Variants in PLAAT4 observed in about 807,000 individuals in gnomAD.
PLAAT4 encodes the protein phospholipase A and acyltransferase 4.
Under a neutral mutation model 14.1 loss-of-function variants are expected in PLAAT4, and 12 were observed. The ratio of observed to expected loss-of-function variants is 0.85; its 90% CI spans 0.54 to 1.37. The LOEUF (loss-of-function observed/expected upper bound fraction) is 1.37. Among genes scored for constraint, PLAAT4 ranks in the 40% most tolerant of loss-of-function variants. The pLI is 0.00. For synonymous variants in PLAAT4, 77 were observed against 79.8 expected, an observed-to-expected ratio of 0.96 and a Z score of 0.19; for missense variants, 163 against 211.7, an observed-to-expected ratio of 0.77 and a Z score of 1.43.
intron 1 of PLAAT4, chr11:63,538,395 C>A: frequency 2.6e-6 from 1 of 379,918 alleles, no homozygotes; most frequent in Non-Finnish European, 5.2e-6. Flanking sequence ...CAGAGGCAGG[C>A]ATGGGGCTGC....
rs2017365278 is a variant in PLAAT4 at position 63,546,226 on chromosome 11, T to A, written c.465T>A (p.Ile155=). ...ILVVAGCSFA[I]RRYQKKATA is the part of the protein sequence containing the mutation. The stretch of plus-strand genomic sequence containing the variant: ...TTGTTGCTGGATGCTCTTTTGCGAT[T>A]AGGAGATACCAAAAAAAAGCGACAG... Residue 155 remains isoleucine (I), a synonymous_variant, in exon 4 of 4, where the codon ATT becomes ATA. Transcript: ENST00000255688. 5 of 1,614,060 alleles carry A rather than the reference T, an allele frequency of 3.1e-6. No homozygotes were observed. The highest frequency in any genetic ancestry group is 4.2e-6 in the Non-Finnish European group (5 of 1,179,996).
intron 1 of PLAAT4, 72 bp from the exon 2 acceptor site, chr11:63,539,444 C>A: frequency 7.9e-7 from 1 of 1,260,540 alleles, no homozygotes; most frequent in Non-Finnish European, 1.2e-6. Context: ...GGATGAGCTG[C>A]AGCTCCCCCA....
At chr11:63,540,683 G>A (rs1446766983) in intron 2 of PLAAT4, among the ~76,000 whole-genome samples, 1 of 152,056 alleles carries the variant, frequency 6.6e-6, no homozygotes, top group Non-Finnish European at 1.5e-5. Flanking sequence ...AAAATTAGCT[G>A]GGGGTGGTGG....
intron 3 of PLAAT4, chr11:63,545,260 C>G (rs1441441737): frequency 2.0e-6 from 1 of 496,530 alleles, no homozygotes; most frequent in East Asian, 3.2e-5. Flanking sequence ...AAGGGACGCT[C>G]AGGGTCCGTG....
chr11:63,536,967 G>A (rs2017275486), intron 1 of PLAAT4, 90 bp downstream of exon 1: 2 of 1,454,992 alleles, frequency 1.4e-6, no homozygotes, highest in Admixed American at 2.2e-5. Context: ...CTGGCCTTGG[G>A]CACACAGCTC....
chr11:63,538,732 A>T (rs1368922343), intron 1 of PLAAT4, among the ~76,000 whole-genome samples: 1 of 152,144 alleles, frequency 6.6e-6, no homozygotes, highest in Admixed American at 6.5e-5. Flanking sequence ...TGTGCAGGGA[A>T]GAACCAGCTC....
intron 2 of PLAAT4, among the ~76,000 whole-genome samples, chr11:63,543,462 C>G (rs773969363): frequency 2.6e-5 from 4 of 152,202 alleles, no homozygotes; most frequent in Non-Finnish European, 5.9e-5. Context: ...TGTGCCACCA[C>G]GCGCAGCTAA....
intron 1 of PLAAT4, among the ~76,000 whole-genome samples, chr11:63,539,218 G>A (rs545088804): frequency 1.9e-4 from 29 of 152,246 alleles, no homozygotes; most frequent in African/African-American, 6.0e-4. Flanking sequence ...TGTGTACAAT[G>A]CACACATGCA....
At chr11:63,540,673 A>G (rs2017314603) in intron 2 of PLAAT4, among the ~76,000 whole-genome samples, 1 of 152,144 alleles carries the variant, frequency 6.6e-6, no homozygotes, top group Admixed American at 6.5e-5. Flanking sequence ...TAAAAATACA[A>G]AAATTAGCTG....
At chr11:63,540,697 G>C (rs1225889154) in intron 2 of PLAAT4, among the ~76,000 whole-genome samples, 1 of 152,040 alleles carries the variant, frequency 6.6e-6, no homozygotes, top group Admixed American at 6.6e-5. Flanking sequence ...GTGGTGGCAG[G>C]CATCTGTAAT....
At chr11:63,540,703 G>A (rs1321956263) in intron 2 of PLAAT4, among the ~76,000 whole-genome samples, 1 of 152,158 alleles carries the variant, frequency 6.6e-6, no homozygotes, top group Non-Finnish European at 1.5e-5. Flanking sequence ...GCAGGCATCT[G>A]TAATCCCAGC....
intron 1 of PLAAT4, chr11:63,538,404 G>A (rs1426152350): frequency 2.6e-6 from 1 of 378,762 alleles, no homozygotes; most frequent in Non-Finnish European, 5.3e-6. Flanking sequence ...GCATGGGGCT[G>A]CCTGAACCAA....
intron 3 of PLAAT4, chr11:63,545,123 C>T (rs1419662216): frequency 1.6e-6 from 1 of 616,294 alleles, no homozygotes; most frequent in East Asian, 2.7e-5. Context: ...GATGGAGGAG[C>T]TCTGAGGATC....
chr11:63,539,897 G>T (rs2017307962), intron 2 of PLAAT4, among the ~76,000 whole-genome samples: 1 of 152,232 alleles, frequency 6.6e-6, no homozygotes, highest in African/African-American at 2.4e-5. Flanking sequence ...GGAGGCAGAG[G>T]TTGCAGTGAG....
At position 63,539,532 on chromosome 11, in the gene PLAAT4, A is replaced by G. The variant is rs2017303880; in HGVS notation, c.26A>G (p.Lys9Arg). Residue 9 changes from lysine to arginine, a missense_variant, in exon 2 of 4, where the codon AAA becomes AGA. Coordinates refer to ENST00000255688, the MANE Select transcript of PLAAT4 (RefSeq NM_004585.5). ...CTGTTGCAGCCACACCAAGAGCCCA[A>G]ACCTGGAGACCTGATTGAGATTTTC... is the stretch of plus-strand genomic sequence containing the variant. Reference protein sequence around the residue: MASPHQEPKPGDLIEIFRL... With the variant: MASPHQEPRPGDLIEIFRL... The G allele has an allele frequency of 1.2e-6, 2 of 1,614,050 alleles. No homozygotes were observed. Among genetic ancestry groups the G allele is most frequent in the Non-Finnish European group, 8.5e-7 (1 of 1,179,942 alleles).
chr11:63,546,322 G>A lies in PLAAT4; in HGVS notation c.*66G>A. On this transcript the variant is annotated 3_prime_UTR_variant, in exon 4 of 4. Transcript: ENST00000255688. ...CCCAGTGGAGATGAGCCTCCCCCAT[G>A]CCTCCAGCAGCCTGACCCTCGTGCC... is the stretch of plus-strand genomic sequence containing the variant. 1 of 1,405,074 alleles carries A rather than the reference G, an allele frequency of 7.1e-7. No individual in the cohort carries two copies. The allele number at this position is 1,405,074 out of a possible 1,614,324, so 87.0% of individuals were successfully genotyped here.
chr11:63,538,618 T>C (rs2017293073), intron 1 of PLAAT4, among the ~76,000 whole-genome samples: 1 of 151,346 alleles, frequency 6.6e-6, no homozygotes, highest in Admixed American at 6.6e-5. Flanking sequence ...AATGGAAAAA[T>C]CCTCCAGTCA....
At chr11:63,545,963 G>A (rs1049720036) in intron 3 of PLAAT4, among the ~76,000 whole-genome samples, 186 bp from the exon 4 acceptor site, 1 of 152,054 alleles carries the variant, frequency 6.6e-6, no homozygotes, top group Non-Finnish European at 1.5e-5. Flanking sequence ...GAGTCCCTGG[G>A]GATACAACCA....
chr11:63,539,488 T>A lies in PLAAT4; in HGVS notation c.10-28T>A, dbSNP rs778875124. On this transcript the variant is annotated intron_variant, in intron 1 of 3. Transcript: ENST00000255688. ...CTCTGCTGTTGCCTAGAAGGCCGGG[T>A]ACTCCATCTCTGGCTTTTCTGTTGC... The A allele has an allele frequency of 2.5e-6, 4 of 1,585,228 alleles. No homozygotes were observed. The Admixed American group carries it at 6.7e-5, about 26-fold the overall frequency.
Sources: allele counts gnomAD v4.1 joint callset (sites outside exome capture counted in the v4.1 genomes callset), GRCh38; gene constraint gnomAD v4.1.1; transcripts MANE v1.5; gene names NCBI Gene and HGNC (gene_info 2026-07-23, HGNC 2026-07-21).